FRMD5: variants seen among roughly 807,000 people sequenced by gnomAD.
FRMD5 encodes FERM domain containing 5, also known as FERM domain-containing protein 5.
Under a neutral mutation model 69.0 loss-of-function variants are expected in FRMD5, and 20 were observed. That is an observed-to-expected ratio of 0.29 (90% confidence interval 0.20 to 0.42). FRMD5 has a LOEUF of 0.42. FRMD5 is among the 10% of genes least tolerant of loss of function. The pLI, the probability that FRMD5 is intolerant of heterozygous loss-of-function variation, is 1.00. For synonymous variants in FRMD5, 271 were observed against 260.1 expected (o/e 1.04, Z -0.40); for missense variants, 595 against 708.6 (o/e 0.84, Z 1.82).
intron 1 of FRMD5, chr15:44,063,586 G>T: frequency 1.9e-6 from 1 of 525,350 alleles, no homozygotes; most frequent in Non-Finnish European, 3.7e-6. Context: ...TTTTAACTCT[G>T]GCAAAGTGGA....
chr15:44,090,686 C>T (rs1045285892), intron 1 of FRMD5, among the ~76,000 whole-genome samples: 5 of 152,180 alleles, frequency 3.3e-5, no homozygotes, highest in Admixed American at 6.5e-5. Context: ...GTGATCCGCC[C>T]GCCTCACCCT....
At chr15:44,174,278 T>C (rs2140539199) in intron 1 of FRMD5, among the ~76,000 whole-genome samples, 1 of 152,154 alleles carries the variant, frequency 6.6e-6, no homozygotes, top group East Asian at 1.9e-4. Context: ...ATTTTTCTTA[T>C]TAAAAAAAAA....
intron 1 of FRMD5, among the ~76,000 whole-genome samples, chr15:43,983,582 A>G (rs1317736449): frequency 6.6e-6 from 1 of 152,238 alleles, no homozygotes; most frequent in East Asian, 1.9e-4. Flanking sequence ...AAGAAGTCTG[A>G]CAATGCTTTT....
Position 43,905,911 on chromosome 15 carries a change from G to A in FRMD5, c.468C>T (p.Gly156=). The part of the protein sequence containing the change: ...GDYDSGKHPE[G]YSSKFQFFPK... ...GGAAAAACTGGAACTTGGAGCTGTA[G>A]CCTTCAGGGTGTTTCCCTGAGTCAT... is the stretch of plus-strand genomic sequence containing the variant. Residue 156 remains glycine, a synonymous_variant, in exon 6 of 14, where the codon GGC becomes GGT. Coordinates refer to ENST00000417257, the MANE Select transcript of FRMD5 (RefSeq NM_032892.5). 6.2e-7 allele frequency: 1 copy of A among 1,614,170 alleles called. No homozygotes were observed. Among genetic ancestry groups the A allele is most frequent in the Non-Finnish European group, 8.5e-7 (1 of 1,179,974 alleles).
intron 7 of FRMD5, among the ~76,000 whole-genome samples, chr15:43,900,302 G>T: frequency 6.6e-6 from 1 of 152,196 alleles, no homozygotes; most frequent in East Asian, 1.9e-4. Flanking sequence ...ATTTATGGAG[G>T]GGTTTAAACT....
intron 1 of FRMD5, among the ~76,000 whole-genome samples, chr15:44,053,624 G>T (rs533127108): frequency 2.0e-4 from 30 of 152,238 alleles, no homozygotes; most frequent in African/African-American, 7.2e-4. Flanking sequence ...CTTAAGGCAA[G>T]ACCTAGGTTT....
At position 43,986,900 on chromosome 15, in the gene FRMD5, T is replaced by G. The variant is rs937101207; in HGVS notation, c.103-62591A>C. 3.3e-5 allele frequency among the ~76,000 whole-genome samples: 5 copies of G among 152,172 alleles called. No individual in the cohort carries two copies. In the East Asian group the frequency reaches 9.6e-4, roughly 29 times the overall value. On this transcript the variant is annotated intron_variant, in intron 1 of 13. Transcript: ENST00000417257. ...GCATGTGCTCATTTTGTGTCTCTGTTGCATTTTGTTAATTCTTGCAATATT... is the reference window on the plus strand; with the variant it reads ...GCATGTGCTCATTTTGTGTCTCTGTGGCATTTTGTTAATTCTTGCAATATT...
intron 1 of FRMD5, among the ~76,000 whole-genome samples, chr15:44,048,760 A>G (rs1468181997): frequency 6.6e-6 from 1 of 151,954 alleles, no homozygotes; most frequent in Admixed American, 6.6e-5. Flanking sequence ...TTTAGTAGAG[A>G]CAGGGTTTCG....
intron 1 of FRMD5, among the ~76,000 whole-genome samples, chr15:44,051,272 C>T (rs1892653928): frequency 6.7e-6 from 1 of 148,986 alleles, no homozygotes; most frequent in African/African-American, 2.5e-5. Context: ...CTGCCTCAGC[C>T]TCCCAAGTAG....
intron 1 of FRMD5, among the ~76,000 whole-genome samples, chr15:44,041,422 T>C (rs933861966): frequency 2.6e-5 from 4 of 151,492 alleles, no homozygotes; most frequent in Admixed American, 6.6e-5. Context: ...TATTCTAAAA[T>C]TGACCACATA....
chr15:44,024,955 T>G (rs1022916483), intron 1 of FRMD5, among the ~76,000 whole-genome samples: 2 of 152,196 alleles, frequency 1.3e-5, no homozygotes, highest in Admixed American at 6.5e-5. Flanking sequence ...AGGTATGAGA[T>G]CTGGAGAGTA....
At chr15:43,936,525 T>C (rs1195178481) in intron 1 of FRMD5, among the ~76,000 whole-genome samples, 1 of 152,142 alleles carries the variant, frequency 6.6e-6, no homozygotes, top group South Asian at 2.1e-4. Context: ...TAAATGACTA[T>C]GACCAGGCTA....
At chr15:43,881,587 G>T (rs1018056515) in intron 13 of FRMD5, among the ~76,000 whole-genome samples, 13 of 152,198 alleles carry the variant, frequency 8.5e-5, no homozygotes, top group African/African-American at 3.1e-4. Flanking sequence ...CTCCTAGTCA[G>T]ACCTTGGCTT....
At chr15:44,136,070 G>A (rs189510266) in intron 1 of FRMD5, among the ~76,000 whole-genome samples, 440 of 152,106 alleles carry the variant, frequency 2.9e-3, no homozygotes, top group Admixed American at 6.8e-3. Flanking sequence ...CACCCAGGCT[G>A]GAGTACAGTG....
intron 1 of FRMD5, among the ~76,000 whole-genome samples, chr15:44,109,212 A>G (rs563465732): frequency 6.6e-6 from 1 of 152,082 alleles, no homozygotes; most frequent in South Asian, 2.1e-4. Context: ...TATCAGTGCC[A>G]CTGTTTGCTC....
intron 1 of FRMD5, among the ~76,000 whole-genome samples, chr15:44,108,972 A>AAATAC (rs2076758851): frequency 7.3e-6 from 1 of 137,894 alleles, no homozygotes; most frequent in Non-Finnish European, 1.5e-5. Flanking sequence ...AATAAAAATA[A>AAATAC]AATAAAATAA....
At chr15:44,169,488 T>C (rs771834899) in intron 1 of FRMD5, among the ~76,000 whole-genome samples, 3 of 151,654 alleles carry the variant, frequency 2.0e-5, no homozygotes, top group Non-Finnish European at 4.4e-5. Flanking sequence ...GAAACCAGAG[T>C]TGAAAGGAGA....
At chr15:44,087,400 G>A (rs1209487988) in intron 1 of FRMD5, among the ~76,000 whole-genome samples, 1 of 152,176 alleles carries the variant, frequency 6.6e-6, no homozygotes, top group Non-Finnish European at 1.5e-5. Flanking sequence ...TAAGAGTAAT[G>A]CAGTCAACAT....
intron 1 of FRMD5, among the ~76,000 whole-genome samples, chr15:43,976,071 A>G (rs1370687443): frequency 2.0e-5 from 3 of 151,980 alleles, no homozygotes; most frequent in Non-Finnish European, 4.4e-5. Context: ...CTAAAAAAAA[A>G]AAAAGGGAGA....
Sources: allele counts gnomAD v4.1 joint callset (sites outside exome capture counted in the v4.1 genomes callset), GRCh38; gene constraint gnomAD v4.1.1; transcripts MANE v1.5; gene names NCBI Gene and HGNC (gene_info 2026-07-23, HGNC 2026-07-21).